Variants in AGBL1 observed in about 807,000 individuals in gnomAD.
AGBL1 encodes the protein AGBL carboxypeptidase 1.
A neutral mutation model predicts 118.9 loss-of-function variants in AGBL1; 130 were observed. The ratio of observed to expected loss-of-function variants is 1.09; its 90% CI spans 0.95 to 1.26. The LOEUF (loss-of-function observed/expected upper bound fraction) is 1.26. Ranked by LOEUF, AGBL1 falls within the 50% of genes most tolerant of loss-of-function variation. The pLI, the probability that AGBL1 is intolerant of heterozygous loss-of-function variation, is 0.00. For synonymous variants in AGBL1, 555 were observed against 478.9 expected, an observed-to-expected ratio of 1.16 and a Z score of -2.08; for missense variants, 1,584 against 1,298.1, an observed-to-expected ratio of 1.22 and a Z score of -3.38.
At chr15:86,306,831 T>C (rs1298721570) in intron 17 of AGBL1, among the ~76,000 whole-genome samples, 1 of 152,220 alleles carries the variant, frequency 6.6e-6, no homozygotes, top group Admixed American at 6.5e-5. Flanking sequence ...GCATTTGTTA[T>C]TGCCTGTCTT....
intron 17 of AGBL1, among the ~76,000 whole-genome samples, chr15:86,306,751 C>T (rs1020895155): frequency 2.0e-5 from 3 of 152,172 alleles, no homozygotes; most frequent in Middle Eastern, 3.4e-3. Flanking sequence ...AACTGTTTTC[C>T]ATAGTGGTTG....
At chr15:86,410,813 T>TAAATATAG (rs2081598139) in intron 18 of AGBL1, among the ~76,000 whole-genome samples, 1 of 89,646 alleles carries the variant, frequency 1.1e-5, no homozygotes, top group Non-Finnish European at 2.0e-5. Context: ...TGTAGATATA[T>TAAATATAG]ATATATATAT....
At chr15:86,934,961 C>G (rs796071515) in intron 23 of AGBL1, 3 of 152,294 alleles carry the variant, frequency 2.0e-5, no homozygotes, top group African/African-American at 7.2e-5. Flanking sequence ...ACCAAATTTT[C>G]CAACCTTGTG....
At chr15:86,447,403 TA>T (rs1187230832) in intron 18 of AGBL1, among the ~76,000 whole-genome samples, 2 of 152,308 alleles carry the variant, frequency 1.3e-5, no homozygotes, top group African/African-American at 4.8e-5. Flanking sequence ...CTGCCATGTG[TA>T]GCCTGAGAAT....
chr15:86,412,064 A>G (rs1003683916), intron 18 of AGBL1, among the ~76,000 whole-genome samples: 2 of 152,194 alleles, frequency 1.3e-5, no homozygotes, highest in East Asian at 1.9e-4. Context: ...CAGCAGCTCA[A>G]TGTTGGAAAA....
chr15:86,895,516 T>A (rs2080113221), intron 22 of AGBL1, among the ~76,000 whole-genome samples: 2 of 152,028 alleles, frequency 1.3e-5, no homozygotes, highest in South Asian at 4.1e-4. Context: ...GGAAGATGTA[T>A]TTACTCATGC....
At chr15:87,004,270 G>C (rs1277182184) in intron 24 of AGBL1, among the ~76,000 whole-genome samples, 1 of 151,510 alleles carries the variant, frequency 6.6e-6, no homozygotes, top group African/African-American at 2.4e-5. Context: ...ATGTAGCTGA[G>C]TGGTTTTGAC....
At chr15:87,031,390 C>A (rs900563810), downstream of AGBL1, among the ~76,000 whole-genome samples, 1 of 151,752 alleles carries the variant, frequency 6.6e-6, no homozygotes, top group Non-Finnish European at 1.5e-5. Context: ...AAATATGTGG[C>A]TCCCTTATTG....
chr15:86,489,789 G>C (rs570860956), intron 18 of AGBL1, among the ~76,000 whole-genome samples: 27 of 152,210 alleles, frequency 1.8e-4, no homozygotes, highest in African/African-American at 6.5e-4. Flanking sequence ...CTCTGGTCTA[G>C]ATGATTAAGA....
intron 21 of AGBL1, among the ~76,000 whole-genome samples, chr15:86,636,960 A>G (rs184775027): frequency 1.1e-3 from 167 of 151,688 alleles, no homozygotes; most frequent in African/African-American, 3.8e-3. Flanking sequence ...TCTCATCTTC[A>G]AGGAGTTCAG....
chr15:86,811,477 A>T (rs1389013644), intron 22 of AGBL1, among the ~76,000 whole-genome samples: 1 of 152,132 alleles, frequency 6.6e-6, no homozygotes, highest in Admixed American at 6.6e-5. Context: ...AAAAGTAAAA[A>T]CAATTCTCTA....
At chr15:86,716,778 A>T (rs897879576) in intron 22 of AGBL1, among the ~76,000 whole-genome samples, 4 of 152,174 alleles carry the variant, frequency 2.6e-5, no homozygotes, top group African/African-American at 9.7e-5. Context: ...TACTCAACAA[A>T]TTGTTAAATT....
chr15:86,672,158 A>C (rs2085757621), intron 21 of AGBL1, among the ~76,000 whole-genome samples: 1 of 152,194 alleles, frequency 6.6e-6, no homozygotes, highest in Non-Finnish European at 1.5e-5. Context: ...AGAGATTAAT[A>C]TCAAAGGGCA....
intron 22 of AGBL1, among the ~76,000 whole-genome samples, chr15:86,861,059 C>T (rs2079553495): frequency 6.6e-6 from 1 of 152,040 alleles, no homozygotes; most frequent in Non-Finnish European, 1.5e-5. Context: ...CTGTTGATTT[C>T]ATTGGGTGGA....
chr15:86,426,705 C>T (rs1284546231), intron 18 of AGBL1, among the ~76,000 whole-genome samples: 1 of 152,314 alleles, frequency 6.6e-6, no homozygotes, highest in African/African-American at 2.4e-5. Flanking sequence ...GGATCATATC[C>T]TAAAGCTGCC....
chr15:86,815,572 G>A (rs919695193), intron 22 of AGBL1, among the ~76,000 whole-genome samples: 4 of 152,170 alleles, frequency 2.6e-5, no homozygotes, highest in African/African-American at 9.7e-5. Context: ...AGGAGTTATT[G>A]AAGTAGCACA....
chr15:86,935,356 C>T (rs889672552), intron 23 of AGBL1, among the ~76,000 whole-genome samples: 2 of 152,088 alleles, frequency 1.3e-5, no homozygotes, highest in African/African-American at 2.4e-5. Flanking sequence ...CACGTGAATA[C>T]ATTGGTGGTG....
At chr15:86,807,314 T>C (rs944304394) in intron 22 of AGBL1, among the ~76,000 whole-genome samples, 4 of 152,090 alleles carry the variant, frequency 2.6e-5, no homozygotes, top group Non-Finnish European at 5.9e-5. Flanking sequence ...GACCTACAAA[T>C]ATTATTTTTG....
In AGBL1 at chr15:86,597,150, T is replaced by TCCAA. The variant is rs1317131962; in HGVS notation, c.2994+42616_2994+42617insACCA. Among the ~76,000 whole-genome samples the TCCAA allele has an allele frequency of 2.0e-5, 3 of 151,490 alleles. No individual in the cohort carries two copies. In the East Asian group the frequency reaches 5.8e-4, roughly 29 times the overall value. On this transcript the variant is annotated intron_variant, in intron 21 of 22. Coordinates refer to ENST00000614907, the MANE Select transcript of AGBL1 (RefSeq NM_001386094.1). ...CTACCTATATCCATCCATCCATCCA[T>TCCAA]CCATCCATCCATCCATCCATCCATC...
Sources: allele counts gnomAD v4.1 joint callset (sites outside exome capture counted in the v4.1 genomes callset), GRCh38; gene constraint gnomAD v4.1.1; transcripts MANE v1.5; gene names NCBI Gene and HGNC (gene_info 2026-07-23, HGNC 2026-07-21).